LPAR3: variants seen among roughly 807,000 people sequenced by gnomAD.
The protein encoded by LPAR3 is LPA receptor 3.
Under a neutral mutation model 17.8 loss-of-function variants are expected in LPAR3, and 7 were observed. That is an observed-to-expected ratio of 0.39 (90% CI 0.22 to 0.74). LPAR3 has a LOEUF of 0.74. LPAR3 is among the 30% of genes least tolerant of loss of function. LPAR3 has a pLI of 0.40. For synonymous variants in LPAR3, 179 were observed against 179.9 expected, an observed-to-expected ratio of 0.99 and a Z score of 0.04; for missense variants, 391 against 453.4, an observed-to-expected ratio of 0.86 and a Z score of 1.25.
At chr1:84,820,205 C>G (rs1029946319) in intron 2 of LPAR3, among the ~76,000 whole-genome samples, 1 of 152,170 alleles carries the variant, frequency 6.6e-6, no homozygotes, top group Non-Finnish European at 1.5e-5. Flanking sequence ...GAGCATTGAG[C>G]TATACTAGAG....
chr1:84,863,269 T>A (rs1311747951), intron 2 of LPAR3, among the ~76,000 whole-genome samples: 1 of 152,110 alleles, frequency 6.6e-6, no homozygotes, highest in Admixed American at 6.6e-5. Flanking sequence ...GAGATGGGGT[T>A]TCACCATGTT....
intron 1 of LPAR3, among the ~76,000 whole-genome samples, chr1:84,891,109 C>T (rs1208095081): frequency 6.7e-6 from 1 of 150,178 alleles, no homozygotes; most frequent in Non-Finnish European, 1.5e-5. Context: ...CAGGCCTGTT[C>T]TAACAAATAT....
intron 1 of LPAR3, among the ~76,000 whole-genome samples, chr1:84,868,542 A>G (rs7551580): frequency 0.034 from 5,247 of 152,258 alleles, 258 homozygotes; most frequent in African/African-American, 0.11. Context: ...CAGAAATTCA[A>G]GACAAACAAT....
At chr1:84,855,155 C>T (rs1312156749) in intron 2 of LPAR3, among the ~76,000 whole-genome samples, 1 of 152,176 alleles carries the variant, frequency 6.6e-6, no homozygotes, top group Non-Finnish European at 1.5e-5. Context: ...CCAGCAAACA[C>T]CCTTTACTCC....
intron 2 of LPAR3, among the ~76,000 whole-genome samples, chr1:84,848,808 G>A (rs55643822): frequency 0.012 from 1,798 of 152,258 alleles, 16 homozygotes; most frequent in South Asian, 0.034. Flanking sequence ...CTGTGAGACA[G>A]CATTCGTTAA....
At chr1:84,858,440 C>T (rs780914979) in intron 2 of LPAR3, among the ~76,000 whole-genome samples, 2 of 146,632 alleles carry the variant, frequency 1.4e-5, no homozygotes, top group Non-Finnish European at 3.0e-5. Context: ...GCGGAGATCA[C>T]ACCACTGAAA....
intron 2 of LPAR3, among the ~76,000 whole-genome samples, chr1:84,827,302 C>A (rs999544855): frequency 1.3e-5 from 2 of 152,134 alleles, no homozygotes; most frequent in Non-Finnish European, 2.9e-5. Context: ...TCCAAGAGCA[C>A]AACTCTGGCT....
chr1:84,842,576 T>C (rs1659523399), intron 2 of LPAR3, among the ~76,000 whole-genome samples: 1 of 152,216 alleles, frequency 6.6e-6, no homozygotes, highest in Non-Finnish European at 1.5e-5. Flanking sequence ...AAATAAAAAG[T>C]ATTAGTGCAA....
intron 1 of LPAR3, among the ~76,000 whole-genome samples, chr1:84,868,551 A>G (rs1660099131): frequency 6.6e-6 from 1 of 152,116 alleles, no homozygotes; most frequent in Non-Finnish European, 1.5e-5. Flanking sequence ...AAGACAAACA[A>G]TCCGAGAATC....
Position 84,838,628 on chromosome 1 carries a change from T to C in LPAR3, c.737-24457A>G, listed in dbSNP as rs545410739. On this transcript the variant is annotated intron_variant, in intron 2 of 2. Transcript: ENST00000370611. ...TCATCTAGAGTCTGAATTAGTTTAA[T>C]AGCCAAATGGCCTTCTTGCCTCCAG... 5.3e-5 allele frequency among the ~76,000 whole-genome samples: 8 copies of C among 152,360 alleles called. No homozygotes were observed. The East Asian group carries it at 1.5e-3, about 29-fold the overall frequency.
At chr1:84,886,162 G>A (rs750164406) in intron 1 of LPAR3, among the ~76,000 whole-genome samples, 13 of 151,906 alleles carry the variant, frequency 8.6e-5, no homozygotes, top group Admixed American at 2.0e-4. Context: ...CTGCAACTTC[G>A]TACCTTTTAA....
chr1:84,824,879 G>A (rs1038531270), intron 2 of LPAR3, among the ~76,000 whole-genome samples: 1 of 152,182 alleles, frequency 6.6e-6, no homozygotes, highest in African/African-American at 2.4e-5. Context: ...CACCCTCAGG[G>A]GAGATCTCTT....
At chr1:84,815,234 C>T (rs1368252462) in intron 2 of LPAR3, among the ~76,000 whole-genome samples, 1 of 152,132 alleles carries the variant, frequency 6.6e-6, no homozygotes, top group Non-Finnish European at 1.5e-5. Flanking sequence ...CAGGCTGTGC[C>T]CTGGGCCACT....
chr1:84,879,316 C>CTTTTTTCTTTTTTTTTTT (rs1553149965), intron 1 of LPAR3, among the ~76,000 whole-genome samples: 11 of 120,616 alleles, frequency 9.1e-5, no homozygotes, highest in South Asian at 2.6e-4. Flanking sequence ...TTTCTTTTTT[C>CTTTTTTCTTTTTTTTTTT]TTTTTTTTTT....
chr1:84,817,880 G>A lies in LPAR3; in HGVS notation c.737-3709C>T, dbSNP rs529183049. On this transcript the variant is annotated intron_variant, in intron 2 of 2. Coordinates refer to ENST00000370611, the MANE Select transcript of LPAR3 (RefSeq NM_012152.3). ...TATATGTAGCTTTATGGTCAGACAT[G>A]ACATACTACGGAGGGGCCCTTGAAG... Among the ~76,000 whole-genome samples, 19 of 151,984 alleles carry A rather than the reference G, an allele frequency of 1.3e-4. No individual in the cohort carries two copies. The East Asian group carries it at 3.3e-3, about 26-fold the overall frequency.
intron 2 of LPAR3, among the ~76,000 whole-genome samples, chr1:84,826,650 T>C (rs1320756405): frequency 2.0e-5 from 3 of 151,496 alleles, no homozygotes; most frequent in Non-Finnish European, 4.4e-5. Flanking sequence ...ACACTATGCA[T>C]AGTATGATTC....
intron 2 of LPAR3, among the ~76,000 whole-genome samples, chr1:84,842,700 T>A (rs1659526511): frequency 6.6e-6 from 1 of 152,174 alleles, no homozygotes; most frequent in Non-Finnish European, 1.5e-5. Flanking sequence ...TGTAGGCAAA[T>A]AAGGGTAGAC....
intron 2 of LPAR3, among the ~76,000 whole-genome samples, chr1:84,837,883 A>G (rs1171733547): frequency 6.6e-6 from 1 of 152,222 alleles, no homozygotes; most frequent in African/African-American, 2.4e-5. Context: ...TTGGAGCTAG[A>G]AGAAAAATGA....
At chr1:84,849,971 G>A (rs55740600) in intron 2 of LPAR3, among the ~76,000 whole-genome samples, 1,800 of 152,244 alleles carry the variant, frequency 0.012, 15 homozygotes, top group South Asian at 0.034. Context: ...GTGTGATCAC[G>A]CAGATCTGTG....
Sources: allele counts gnomAD v4.1 joint callset (sites outside exome capture counted in the v4.1 genomes callset), GRCh38; gene constraint gnomAD v4.1.1; transcripts MANE v1.5; gene names NCBI Gene and HGNC (gene_info 2026-07-23, HGNC 2026-07-21).